NT5DC3: variants seen among roughly 807,000 people sequenced by gnomAD.
NT5DC3 encodes the protein 5'-nucleotidase domain containing 3, also known as 5'-nucleotidase domain-containing protein 3.
NT5DC3 carries 42 observed loss-of-function variants against 67.8 expected under a neutral mutation model. The ratio of observed to expected loss-of-function variants is 0.62; its 90% CI spans 0.48 to 0.80. NT5DC3 has a LOEUF of 0.80. NT5DC3 is among the 30% of genes least tolerant of loss of function. NT5DC3 has a pLI of 0.00. For synonymous variants in NT5DC3, 237 were observed against 255.6 expected, an observed-to-expected ratio of 0.93 and a Z score of 0.69; for missense variants, 570 against 696.4, an observed-to-expected ratio of 0.82 and a Z score of 2.04.
chr12:103,755,752 A>G, the NT5DC3 span: 1 of 1,609,920 alleles, frequency 6.2e-7, no homozygotes, highest in Non-Finnish European at 8.5e-7. Flanking sequence ...TGCCTCAGGC[A>G]GGGAGGGGTT....
intron 12 of NT5DC3, among the ~76,000 whole-genome samples, chr12:103,781,898 T>C (rs758671237): frequency 7.2e-5 from 11 of 152,218 alleles, no homozygotes; most frequent in Non-Finnish European, 1.5e-4. Flanking sequence ...ATCAGCTCTT[T>C]AGGGGCAAAA....
the NT5DC3 span, chr12:103,746,500 C>A: frequency 8.9e-7 from 1 of 1,121,600 alleles, no homozygotes; most frequent in Non-Finnish European, 1.4e-6. Flanking sequence ...CTTATGAACA[C>A]AGTGGTCGTC....
intron 13 of NT5DC3, among the ~76,000 whole-genome samples, chr12:103,778,805 CA>C (rs1003279586): frequency 4.1e-4 from 60 of 144,938 alleles, no homozygotes; most frequent in African/African-American, 1.3e-3. Context: ...GACCCTATCT[CA>C]AAAAAAGAAA....
At chr12:103,786,989 T>G (rs1271224120) in intron 11 of NT5DC3, among the ~76,000 whole-genome samples, 1 of 152,118 alleles carries the variant, frequency 6.6e-6, no homozygotes, top group Non-Finnish European at 1.5e-5. Context: ...AGCCCACTGG[T>G]TCAGTTTCTT....
At chr12:103,785,248 T>C in intron 12 of NT5DC3, 87 bp downstream of exon 12, 1 of 1,303,922 alleles carries the variant, frequency 7.7e-7, no homozygotes. Flanking sequence ...CCTCATATTT[T>C]ATAACAATTA....
chr12:103,801,372 C>CCTTTTTTTTT (rs1886567309), intron 4 of NT5DC3, among the ~76,000 whole-genome samples: 156 of 78,938 alleles, frequency 2.0e-3, no homozygotes, highest in African/African-American at 8.2e-3. Flanking sequence ...TTGGGGTGGG[C>CCTTTTTTTTT]TTTTTTTTTT....
intron 12 of NT5DC3, among the ~76,000 whole-genome samples, chr12:103,782,930 G>A (rs1232013836): frequency 6.6e-6 from 1 of 152,150 alleles, no homozygotes; most frequent in East Asian, 1.9e-4. Flanking sequence ...AGGCTGCAGT[G>A]AGCCAAGATC....
rs1009829043 is a variant in NT5DC3, at chr12:103,776,982, A to G, written c.*847T>C. The G allele has an allele frequency of 6.6e-6, 1 of 152,196 alleles. No homozygotes were observed. The highest frequency in any genetic ancestry group is 1.5e-5 in the Non-Finnish European group (1 of 68,052). The allele number at this position is 152,196 out of a possible 1,614,324, so 9.4% of individuals were successfully genotyped here. A position where few individuals can be genotyped will look rare whatever the true frequency, so the allele number is the denominator to read the frequency against. ...TTCCTGGTTCATTTTCTTTCTTCCA[A>G]TGAGCAGATGAAACCAACTCAGGTG... On this transcript the variant is annotated 3_prime_UTR_variant, in exon 14 of 14. Coordinates refer to ENST00000392876, the MANE Select transcript of NT5DC3 (RefSeq NM_001031701.3).
rs762921982 is a variant in NT5DC3, at chr12:103,815,120, T to C, written c.210A>G (p.Glu70=). 6.2e-7 allele frequency: 1 copy of C among 1,601,148 alleles called. No homozygotes were observed. The highest frequency in any genetic ancestry group is 1.1e-5 in the South Asian group (1 of 89,056). ...RYREAKRSTE[E]LVPSIMSNLL... is the part of the protein sequence containing the mutation. ...AGTTGCTCATAATGGAAGGAACCAA[T>C]TCTGGAAATAAAGAAAAAAAATACA... Residue 70 remains glutamate, a splice_region_variant and synonymous_variant, in exon 2 of 14, where the codon GAA becomes GAG. Transcript: ENST00000392876.
intron 1 of NT5DC3, among the ~76,000 whole-genome samples, chr12:103,827,042 G>A (rs1225182729): frequency 1.3e-5 from 2 of 152,120 alleles, no homozygotes; most frequent in South Asian, 2.1e-4. Context: ...TCAGGAGTTC[G>A]AGACCAGCCT....
chr12:103,792,154 C>T (rs1886095075), intron 9 of NT5DC3, among the ~76,000 whole-genome samples: 1 of 152,208 alleles, frequency 6.6e-6, no homozygotes, highest in Non-Finnish European at 1.5e-5. Context: ...TGGGATGACT[C>T]CAGCCGCCAG....
At chr12:103,797,922 T>C (rs1886392122) in intron 5 of NT5DC3, among the ~76,000 whole-genome samples, 1 of 152,228 alleles carries the variant, frequency 6.6e-6, no homozygotes, top group Non-Finnish European at 1.5e-5. Context: ...ACATTTATAT[T>C]AGCCTATGCA....
chr12:103,829,509 T>C (rs899538975), intron 1 of NT5DC3, among the ~76,000 whole-genome samples: 1 of 152,252 alleles, frequency 6.6e-6, no homozygotes, highest in Non-Finnish European at 1.5e-5. Flanking sequence ...AATCTCAACC[T>C]TTCTACATCT....
At chr12:103,827,256 G>A (rs1031285072) in intron 1 of NT5DC3, among the ~76,000 whole-genome samples, 3 of 151,962 alleles carry the variant, frequency 2.0e-5, no homozygotes, top group Non-Finnish European at 2.9e-5. Context: ...AATTCAGCCC[G>A]GGAATTTATT....
rs987140324 is a variant in NT5DC3, at chr12:103,774,149, G to A, written c.*3680C>T. The A allele has an allele frequency of 2.6e-5, 4 of 152,192 alleles. No homozygotes were observed. The highest frequency in any genetic ancestry group is 9.6e-5 in the African/African-American group (4 of 41,452). The allele number at this position is 152,192 out of a possible 1,614,324, so 9.4% of individuals were successfully genotyped here. ...TTCCAAAGGGACCTCCATGGGCCTT[G>A]CTGGACTGTCATATTTGTGATGGCT... On this transcript the variant is annotated 3_prime_UTR_variant, in exon 14 of 14. Transcript: ENST00000392876.
intron 12 of NT5DC3, among the ~76,000 whole-genome samples, chr12:103,782,911 G>A (rs533645624): frequency 6.6e-6 from 1 of 152,190 alleles, no homozygotes; most frequent in South Asian, 2.1e-4. Flanking sequence ...GCTTGAACCT[G>A]GGAGGTGAAG....
chr12:103,762,037 C>T, the NT5DC3 span, among the ~76,000 whole-genome samples: 1 of 152,198 alleles, frequency 6.6e-6, no homozygotes. Flanking sequence ...CTTCACCTCT[C>T]TGTGCCCCAG....
chr12:103,778,170 TA>T (rs71098000), intron 13 of NT5DC3, 89 bp from the exon 14 acceptor site: 18,264 of 1,143,326 alleles, frequency 0.016, no homozygotes, highest in Non-Finnish European at 0.018. Context: ...CTTCTTTTTT[TA>T]AAAAAAAAAA....
chr12:103,772,882 C>T lies in NT5DC3; in HGVS notation c.*4947G>A, dbSNP rs1885223306. The T allele has an allele frequency of 6.6e-6, 1 of 152,370 alleles. No individual in the cohort carries two copies. The highest frequency in any genetic ancestry group is 1.5e-5 in the Non-Finnish European group (1 of 68,190). 9.4% of individuals were successfully genotyped at this position (152,370 alleles called of 1,614,324 possible). A position where few individuals can be genotyped will look rare whatever the true frequency, so the allele number is the denominator to read the frequency against. On this transcript the variant is annotated 3_prime_UTR_variant, in exon 14 of 14. Coordinates refer to ENST00000392876, the MANE Select transcript of NT5DC3 (RefSeq NM_001031701.3). ...GTAAATGGCCAGCCAGCAGCACTCC[C>T]AGCTGTTAGGGGAGTATGTCCTTCA...
Sources: gnomAD v4.1 joint callset for allele counts (sites outside exome capture counted in the v4.1 genomes callset) on GRCh38, gnomAD v4.1.1 for gene constraint, MANE v1.5 for transcripts, NCBI Gene and HGNC (gene_info 2026-07-23, HGNC 2026-07-21) for gene names.